SDK1: variants seen among roughly 807,000 people sequenced by gnomAD.
The protein encoded by SDK1 is protein sidekick-1.
A neutral mutation model predicts 245.5 loss-of-function variants in SDK1; 157 were observed. The observed-to-expected ratio is 0.64, with a 90% CI of 0.56 to 0.73. The LOEUF (loss-of-function observed/expected upper bound fraction) is 0.73. Among genes scored for constraint, SDK1 ranks in the 30% least tolerant of loss-of-function variants. The pLI, the probability that SDK1 is intolerant of heterozygous loss-of-function variation, is 0.00. For missense variants in SDK1, 3,583 were observed against 3,002.3 expected, an observed-to-expected ratio of 1.19 and a Z score of -4.52; for synonymous variants, 1,647 against 1,278.5, an observed-to-expected ratio of 1.29 and a Z score of -6.15.
At chr7:3,591,986 A>G (rs757038437) in intron 1 of SDK1, among the ~76,000 whole-genome samples, 2 of 152,256 alleles carry the variant, frequency 1.3e-5, no homozygotes, top group Non-Finnish European at 2.9e-5. Flanking sequence ...ACAAGGCTAC[A>G]GATAGTTCTA....
intron 17 of SDK1, among the ~76,000 whole-genome samples, chr7:4,017,730 G>A (rs73673245): frequency 0.061 from 9,281 of 152,240 alleles, 869 homozygotes; most frequent in African/African-American, 0.21. Context: ...CAAAGAGCAC[G>A]ATGATTATTC....
chr7:3,657,132 G>A (rs1172587269), intron 4 of SDK1, among the ~76,000 whole-genome samples: 2 of 152,176 alleles, frequency 1.3e-5, no homozygotes, highest in African/African-American at 4.8e-5. Context: ...ACCCTAGGGA[G>A]AAAGGGATGT....
intron 4 of SDK1, among the ~76,000 whole-genome samples, chr7:3,666,209 A>C (rs944526211): frequency 1.3e-5 from 2 of 152,148 alleles, no homozygotes; most frequent in African/African-American, 4.8e-5. Flanking sequence ...CTCAAGATGA[A>C]GTTCGAGCAC....
chr7:4,188,111 C>T (rs201743855), intron 35 of SDK1, among the ~76,000 whole-genome samples: 7 of 152,142 alleles, frequency 4.6e-5, no homozygotes, highest in African/African-American at 4.8e-5. Context: ...GGGCCTCTTC[C>T]GCAACATGTG....
At chr7:4,096,353 G>A (rs7802118) in intron 22 of SDK1, among the ~76,000 whole-genome samples, 42,141 of 151,994 alleles carry the variant, frequency 0.28, 6,636 homozygotes, top group African/African-American at 0.42. Flanking sequence ...AAAACCAGCA[G>A]AAGAGAGGAA....
chr7:3,487,139 T>C (rs1781724010), intron 1 of SDK1, among the ~76,000 whole-genome samples: 1 of 152,184 alleles, frequency 6.6e-6, no homozygotes, highest in South Asian at 2.1e-4. Context: ...CAAAAACATG[T>C]GGCAGGCTAG....
Position 4,265,649 on chromosome 7 carries a change from C to T in SDK1, c.*265C>T, listed in dbSNP as rs1429566942. On this transcript the variant is annotated 3_prime_UTR_variant, in exon 45 of 45. Transcript: ENST00000404826. Reference sequence around the variant, plus strand: ...AAGGTGTATTTCACTGGTGCAATGGCTTGGCACCTCCGGGGCCTGGGAGGA... The same window carrying T: ...AAGGTGTATTTCACTGGTGCAATGGTTTGGCACCTCCGGGGCCTGGGAGGA... 8.0e-6 allele frequency: 10 copies of T among 1,257,608 alleles called. No individual in the cohort carries two copies. The highest frequency in any genetic ancestry group is 9.9e-6 in the Non-Finnish European group (10 of 1,005,788). 77.9% of individuals were successfully genotyped at this position (1,257,608 alleles called of 1,614,324 possible).
rs771800660 is a variant in SDK1 at position 4,114,222 on chromosome 7, C to T, written c.3771C>T (p.Ala1257=). ...AGCTGCAGATGCAGGCCTTCAACGC[C>T]GTCGGGGCTGGGCCGTGGAGCGAGG... The part of the protein sequence containing the change: ...EYELQMQAFN[A]VGAGPWSEVV... Residue 1257 remains alanine (A), a synonymous_variant, in exon 25 of 45, where the codon GCC becomes GCT. Coordinates refer to ENST00000404826, the MANE Select transcript of SDK1 (RefSeq NM_152744.4). 76 of 1,613,196 alleles carry T rather than the reference C, an allele frequency of 4.7e-5. 1 individual carries two copies. In the South Asian group the frequency reaches 5.9e-4, roughly 13 times the overall value.
chr7:3,550,223 T>C (rs1779357464), intron 1 of SDK1, among the ~76,000 whole-genome samples: 2 of 152,162 alleles, frequency 1.3e-5, no homozygotes, highest in African/African-American at 4.8e-5. Flanking sequence ...TTATAAAGGA[T>C]TTCTTAAAGA....
rs78590396 is a variant in SDK1, at chr7:3,685,557, C to A, written c.713+43452C>A. Among the ~76,000 whole-genome samples the A allele has an allele frequency of 2.5e-3, 383 of 152,240 alleles. 7 individuals carry two copies. The East Asian group carries it at 0.061, about 24-fold the overall frequency. ...GAAAAATAGGGGCAAATATAATACA[C>A]AATCAAACTTCTGTTGAGGTTCATA... is the stretch of plus-strand genomic sequence containing the variant. On this transcript the variant is annotated intron_variant, in intron 4 of 44. Transcript: ENST00000404826.
At chr7:4,010,361 G>C (rs1350648740) in intron 14 of SDK1, among the ~76,000 whole-genome samples, 1 of 152,190 alleles carries the variant, frequency 6.6e-6, no homozygotes, top group Non-Finnish European at 1.5e-5. Context: ...GGCTGGCAGA[G>C]TCCCTCTTGC....
intron 4 of SDK1, among the ~76,000 whole-genome samples, chr7:3,683,246 C>T (rs886373716): frequency 6.6e-6 from 1 of 152,078 alleles, no homozygotes; most frequent in African/African-American, 2.4e-5. Context: ...CTGATGCTTC[C>T]CCAATGTTGA....
At chr7:4,108,451 T>C (rs538403958) in intron 22 of SDK1, among the ~76,000 whole-genome samples, 1 of 150,612 alleles carries the variant, frequency 6.6e-6, no homozygotes, top group African/African-American at 2.5e-5. Context: ...ATGAGGGTTT[T>C]GATGTCTACC....
intron 1 of SDK1, among the ~76,000 whole-genome samples, chr7:3,486,782 T>G (rs975089755): frequency 2.0e-5 from 3 of 152,184 alleles, no homozygotes; most frequent in African/African-American, 7.2e-5. Flanking sequence ...TGTATTTTTT[T>G]AATTTGTAAA....
chr7:4,216,736 C>T (rs527503302), intron 38 of SDK1, among the ~76,000 whole-genome samples: 2 of 152,300 alleles, frequency 1.3e-5, no homozygotes, highest in South Asian at 4.1e-4. Flanking sequence ...CACCCAGAAC[C>T]AGGTCTGTGC....
At chr7:3,619,854 C>G (rs1781880736) in intron 2 of SDK1, among the ~76,000 whole-genome samples, 1 of 152,216 alleles carries the variant, frequency 6.6e-6, no homozygotes, top group Non-Finnish European at 1.5e-5. Context: ...TGGCAGAGCA[C>G]AAGATCAGGG....
chr7:3,578,661 C>A (rs1308972535), intron 1 of SDK1, among the ~76,000 whole-genome samples: 1 of 151,792 alleles, frequency 6.6e-6, no homozygotes. Flanking sequence ...TCTTAATATT[C>A]CTTGCTAGGA....
At position 3,429,607 on chromosome 7, in the gene SDK1, T is replaced by C. The variant is rs537165311; in HGVS notation, c.298+127723T>C. Among the ~76,000 whole-genome samples the C allele has an allele frequency of 2.0e-5, 3 of 152,066 alleles. 1 individual carries two copies. The highest frequency in any genetic ancestry group is 7.2e-5 in the African/African-American group (3 of 41,472). Reference sequence around the variant, plus strand: ...GTCCACACTGCAAAAGCCTATTTTTTTTTTTTTTTGTCAGGGTCTTGCTCT... The same window carrying C: ...GTCCACACTGCAAAAGCCTATTTTTCTTTTTTTTTGTCAGGGTCTTGCTCT... On this transcript the variant is annotated intron_variant, in intron 1 of 44. Transcript: ENST00000404826.
intron 34 of SDK1, 84 bp downstream of exon 34, chr7:4,175,918 A>G: frequency 1.7e-6 from 2 of 1,209,824 alleles, no homozygotes; most frequent in Non-Finnish European, 2.4e-6. Flanking sequence ...TGCAAGGGAA[A>G]ACCAGCCTGG....
Sources: gnomAD v4.1 joint callset for allele counts (sites outside exome capture counted in the v4.1 genomes callset) on GRCh38, gnomAD v4.1.1 for gene constraint, MANE v1.5 for transcripts, NCBI Gene and HGNC (gene_info 2026-07-23, HGNC 2026-07-21) for gene names.